DNAAF5: variants seen among roughly 807,000 people sequenced by gnomAD.
The protein encoded by DNAAF5 is HEAT repeat containing 2.
Under a neutral mutation model 75.8 loss-of-function variants are expected in DNAAF5, and 64 were observed. That is an observed-to-expected ratio of 0.84 (90% confidence interval 0.69 to 1.04). DNAAF5 has a LOEUF of 1.04. Among genes scored for constraint, DNAAF5 ranks in the 50% least tolerant of loss-of-function variants. The pLI is 0.00. For synonymous variants in DNAAF5, 657 were observed against 557.2 expected, an observed-to-expected ratio of 1.18 and a Z score of -2.52; for missense variants, 1,269 against 1,178.5, an observed-to-expected ratio of 1.08 and a Z score of -1.12.
intron 8 of DNAAF5, among the ~76,000 whole-genome samples, chr7:767,529 AATAC>A (rs1302710909): frequency 4.6e-5 from 7 of 152,234 alleles, no homozygotes; most frequent in Non-Finnish European, 8.8e-5. Context: ...TACGAAGTTA[AATAC>A]ATAATGATAT....
intron 8 of DNAAF5, among the ~76,000 whole-genome samples, chr7:767,541 T>G (rs1033701023): frequency 7.2e-5 from 11 of 152,242 alleles, no homozygotes; most frequent in African/African-American, 2.7e-4. Context: ...TACATAATGA[T>G]ATTTCCATAG....
rs1782611056 is a variant in DNAAF5 at position 760,442 on chromosome 7, C to T, written c.1471-1311C>T. ...TACATGGCCACGGTCCTGACTCACTCTGTACTTTATGAAACATACATAAAA... is the reference window on the plus strand; with the variant it reads ...TACATGGCCACGGTCCTGACTCACTTTGTACTTTATGAAACATACATAAAA... On this transcript the variant is annotated intron_variant, in intron 6 of 12. Coordinates refer to ENST00000297440, the MANE Select transcript of DNAAF5 (RefSeq NM_017802.4). Among the ~76,000 whole-genome samples, 3 of 152,170 alleles carry T rather than the reference C, an allele frequency of 2.0e-5. No individual in the cohort carries two copies. The South Asian group carries it at 6.2e-4, about 31-fold the overall frequency.
chr7:750,488 G>T (rs904896180), intron 4 of DNAAF5, among the ~76,000 whole-genome samples: 1 of 152,200 alleles, frequency 6.6e-6, no homozygotes, highest in African/African-American at 2.4e-5. Flanking sequence ...GTGGTTTCAG[G>T]TTGAAATTGT....
chr7:760,741 G>T (rs1016470555), intron 6 of DNAAF5, among the ~76,000 whole-genome samples: 1 of 152,244 alleles, frequency 6.6e-6, no homozygotes, highest in Non-Finnish European at 1.5e-5. Flanking sequence ...TGTGTTGCGG[G>T]CTTCAGAGCC....
At chr7:768,713 C>T (rs1778441064) in intron 8 of DNAAF5, 2 of 164,896 alleles carry the variant, frequency 1.2e-5, no homozygotes, top group Non-Finnish European at 2.7e-5. Context: ...GACACGTGGC[C>T]CAGGCGTCAG....
chr7:759,240 A>G (rs1186765034), intron 6 of DNAAF5, among the ~76,000 whole-genome samples: 1 of 152,222 alleles, frequency 6.6e-6, no homozygotes, highest in Non-Finnish European at 1.5e-5. Flanking sequence ...TTAAACAGAG[A>G]AGTCCGTGTA....
chr7:732,617 C>G (rs1176166250), intron 2 of DNAAF5: 1 of 456,086 alleles, frequency 2.2e-6, no homozygotes, highest in South Asian at 1.5e-5. Flanking sequence ...TGCCAAGTAC[C>G]TGTTTGCCAT....
chr7:741,404 G>A lies in DNAAF5; in HGVS notation c.963G>A (p.Glu321=), dbSNP rs1001477081. ...GCCTGCAGTGGCAGAAGGAGAATGA[G>A]GAGGACCTGAAGGACAAGCTGGACT... ...DVGLQWQKEN[E]EDLKDKLDFA... The change falls in exon 4 of 13, where the codon GAG becomes GAA. Residue 321 remains glutamate (E), a synonymous_variant. Transcript: ENST00000297440. 6.3e-7 allele frequency: 1 copy of A among 1,579,928 alleles called. No homozygotes were observed. The highest frequency in any genetic ancestry group is 8.6e-7 in the Non-Finnish European group (1 of 1,163,604).
intron 11 of DNAAF5, among the ~76,000 whole-genome samples, chr7:779,405 A>G (rs1778864664): frequency 6.6e-6 from 1 of 152,186 alleles, no homozygotes; most frequent in Admixed American, 6.5e-5. Context: ...TTTTAAGATG[A>G]TGTAAAAAAA....
At chr7:762,795 G>T (rs1341569375) in intron 7 of DNAAF5, among the ~76,000 whole-genome samples, 1 of 152,018 alleles carries the variant, frequency 6.6e-6, no homozygotes, top group Admixed American at 6.5e-5. Flanking sequence ...TATATTTTTA[G>T]TAGAGACAAG....
chr7:737,421 C>T (rs912273561), intron 2 of DNAAF5, among the ~76,000 whole-genome samples: 1 of 152,178 alleles, frequency 6.6e-6, no homozygotes, highest in African/African-American at 2.4e-5. Flanking sequence ...ATAGGCTCAT[C>T]TTTTAGTCTT....
rs2128078219 is a variant in DNAAF5, at chr7:754,484, T to C, written c.1025-105T>C. 1.1e-6 allele frequency: 1 copy of C among 925,174 alleles called. No individual in the cohort carries two copies. The highest frequency in any genetic ancestry group is 2.4e-5 in the East Asian group (1 of 41,290). 57.3% of individuals were successfully genotyped at this position (925,174 alleles called of 1,614,324 possible). ...CACCCCAAGACTTGTTTTGAAATGG[T>C]GAGGTTGAAACTCACAGGTGTCCCT... On this transcript the variant is annotated intron_variant, in intron 4 of 12. Transcript: ENST00000297440. This position sits in a 1 kb window ranked among gnomAD's most constrained non-coding sequence, Gnocchi z 4.8.
At chr7:748,521 C>A (rs959735414) in intron 4 of DNAAF5, among the ~76,000 whole-genome samples, 1 of 152,154 alleles carries the variant, frequency 6.6e-6, no homozygotes, top group African/African-American at 2.4e-5. Flanking sequence ...GGATGCAGGT[C>A]CCTCATCAGA....
intron 12 of DNAAF5, among the ~76,000 whole-genome samples, chr7:781,628 A>G (rs965340294): frequency 6.6e-6 from 1 of 152,168 alleles, no homozygotes; most frequent in African/African-American, 2.4e-5. Flanking sequence ...CATTCCCACC[A>G]GCAGCGTGAG....
chr7:772,824 G>A (rs1778614929), intron 9 of DNAAF5: 1 of 152,160 alleles, frequency 6.6e-6, no homozygotes, highest in Admixed American at 6.6e-5. Flanking sequence ...CTCCAGCCTG[G>A]GCAGCAAGAG....
At chr7:748,653 G>A (rs373453338) in intron 4 of DNAAF5, among the ~76,000 whole-genome samples, 40 of 152,138 alleles carry the variant, frequency 2.6e-4, no homozygotes, top group African/African-American at 8.9e-4. Flanking sequence ...CAGTGGAGGT[G>A]CTCCTTCTCC....
At chr7:741,959 G>T (rs1348911609) in intron 4 of DNAAF5, among the ~76,000 whole-genome samples, 1 of 152,188 alleles carries the variant, frequency 6.6e-6, no homozygotes, top group African/African-American at 2.4e-5. Flanking sequence ...CTGGGAACAG[G>T]GTCTCCTGCT....
chr7:747,402 A>G (rs377324063), intron 4 of DNAAF5, among the ~76,000 whole-genome samples: 78 of 141,868 alleles, frequency 5.5e-4, no homozygotes, highest in African/African-American at 1.2e-3. Context: ...CTGGTGTGCA[A>G]TGGTGGCACA....
At chr7:784,093 T>C (rs1020298728) in intron 12 of DNAAF5, among the ~76,000 whole-genome samples, 13 of 137,088 alleles carry the variant, frequency 9.5e-5, no homozygotes, top group African/African-American at 3.5e-4. Flanking sequence ...GCCTTACCCC[T>C]CCTCGAGGCC....
Sources: allele counts gnomAD v4.1 joint callset (sites outside exome capture counted in the v4.1 genomes callset), GRCh38; gene constraint gnomAD v4.1.1; non-coding constraint Gnocchi (gnomAD v3.1); transcripts MANE v1.5; gene names NCBI Gene and HGNC (gene_info 2026-07-23, HGNC 2026-07-21).